Variants in SERPINA12 observed in about 807,000 individuals in gnomAD.
The protein encoded by SERPINA12 is serpin family A member 12.
Under a neutral mutation model 25.9 loss-of-function variants are expected in SERPINA12, and 21 were observed. The ratio of observed to expected loss-of-function variants is 0.81; its 90% confidence interval spans 0.58 to 1.17. The LOEUF is 1.17. SERPINA12 is among the 50% of genes most tolerant of loss of function. The pLI, the probability that SERPINA12 is intolerant of heterozygous loss-of-function variation, is 0.00. For missense variants in SERPINA12, 562 were observed against 508.3 expected (o/e 1.11, Z -1.02); for synonymous variants, 220 against 196.0 (o/e 1.12, Z -1.02).
intron 2 of SERPINA12, 38 bp from the exon 3 acceptor site, chr14:94,496,681 AG>A (rs1900440694): frequency 6.3e-7 from 1 of 1,589,500 alleles, no homozygotes. Context: ...TGTTATCCCA[AG>A]GGAAAAAAGG....
Position 94,496,562 on chromosome 14 carries a change from G to A in SERPINA12, c.716C>T (p.Pro239Leu). 1 of 1,614,002 alleles carries A rather than the reference G, an allele frequency of 6.2e-7. No individual in the cohort carries two copies. The highest frequency in any genetic ancestry group is 8.5e-7 in the Non-Finnish European group (1 of 1,179,928). ...FLEKNSSVKV[P>L]MMFRSGIYQV... is the part of the protein sequence containing the mutation. ...GTATATGCCACTACGGAACATCATG[G>A]GCACCTTGACTGAACTGTTTTTCTC... The change falls in exon 3 of 5, where the codon CCC becomes CTC. Residue 239 changes from proline to leucine, a missense_variant. Coordinates refer to ENST00000677451, the MANE Select transcript of SERPINA12 (RefSeq NM_001382267.1).
At chr14:94,517,236 G>A (rs910769605) in intron 1 of SERPINA12, among the ~76,000 whole-genome samples, 53 of 152,228 alleles carry the variant, frequency 3.5e-4, no homozygotes, top group Non-Finnish European at 2.4e-4. Flanking sequence ...GCAGCAGGGA[G>A]CACAGTGGAG....
At chr14:94,502,457 C>T (rs549859460) in intron 1 of SERPINA12, among the ~76,000 whole-genome samples, 1 of 152,156 alleles carries the variant, frequency 6.6e-6, no homozygotes, top group South Asian at 2.1e-4. Context: ...ACAGCAGACT[C>T]AACAATAATA....
At chr14:94,501,172 GC>G (rs757416953) in intron 1 of SERPINA12, 96 of 985,204 alleles carry the variant, frequency 9.7e-5, no homozygotes, top group Non-Finnish European at 1.1e-4. Context: ...GGTTTAGGGG[GC>G]TGCACTGTTT....
chr14:94,497,248 A>T (rs1900467818), intron 2 of SERPINA12, among the ~76,000 whole-genome samples: 1 of 152,182 alleles, frequency 6.6e-6, no homozygotes, highest in Admixed American at 6.5e-5. Context: ...ATAAAGTCTG[A>T]TAAGGAGAAT....
upstream of SERPINA12, among the ~76,000 whole-genome samples, chr14:94,513,676 C>T (rs1901162979): frequency 6.6e-6 from 1 of 152,176 alleles, no homozygotes; most frequent in Non-Finnish European, 1.5e-5. Flanking sequence ...GCAGGGGTCC[C>T]CAAGGGCTGG....
chr14:94,498,174 G>T lies in SERPINA12; in HGVS notation c.224C>A (p.Ser75Tyr), dbSNP rs752121967. 3 of 1,614,188 alleles carry T rather than the reference G, an allele frequency of 1.9e-6. No individual in the cohort carries two copies. The highest frequency in any genetic ancestry group is 2.5e-6 in the Non-Finnish European group (3 of 1,180,048). The change falls in exon 2 of 5, where the codon TCC (serine) becomes TAC (tyrosine). Residue 75 changes from serine to tyrosine, a missense_variant. Ser to Tyr is a moderately radical substitution (Grantham distance 144, BLOSUM62 -2). Transcript: ENST00000677451. The part of the protein sequence containing the change: ...FYNPGRNIFL[S>Y]PLSISTAFSM... ...GAAAGCTGTAGAGATGCTCAAGGGGGATAGGAAGATGTTCCTGCCAGGGTT... is the reference window on the plus strand; with the variant it reads ...GAAAGCTGTAGAGATGCTCAAGGGGTATAGGAAGATGTTCCTGCCAGGGTT...
At chr14:94,490,129 C>G (rs1900105958) in intron 3 of SERPINA12, among the ~76,000 whole-genome samples, 1 of 152,210 alleles carries the variant, frequency 6.6e-6, no homozygotes, top group Admixed American at 6.5e-5. Flanking sequence ...AGACCTGACA[C>G]TGGAGGGAAC....
At chr14:94,500,315 T>G (rs1900661174) in intron 1 of SERPINA12, among the ~76,000 whole-genome samples, 1 of 152,334 alleles carries the variant, frequency 6.6e-6, no homozygotes, top group East Asian at 1.9e-4. Context: ...CCTCCTCGCC[T>G]TCTTCTCCTC....
chr14:94,503,824 A>G (rs992821341), intron 1 of SERPINA12, among the ~76,000 whole-genome samples: 2 of 152,256 alleles, frequency 1.3e-5, no homozygotes, highest in Non-Finnish European at 2.9e-5. Context: ...GACTGTGGCC[A>G]GCATCATGCA....
chr14:94,491,683 C>T (rs1900185877), intron 3 of SERPINA12, among the ~76,000 whole-genome samples: 1 of 152,058 alleles, frequency 6.6e-6, no homozygotes, highest in South Asian at 2.1e-4. Context: ...GTCAGGGTGA[C>T]TCCAAGGTTT....
Position 94,501,043 on chromosome 14 carries a change from C to G in SERPINA12, c.-33-2613G>C. The G allele has an allele frequency of 4.1e-6, 4 of 985,426 alleles. No homozygotes were observed. In the South Asian group the frequency reaches 1.9e-4, roughly 46 times the overall value. 61.0% of individuals were successfully genotyped at this position (985,426 alleles called of 1,614,324 possible). A position where few individuals can be genotyped will look rare whatever the true frequency, so the allele number is the denominator to read the frequency against. On this transcript the variant is annotated intron_variant, in intron 1 of 4. Transcript: ENST00000677451. ...ACCACTTCTTGGTAAAACTTAATAA[C>G]AGCTGGTGATGAACAAGGGCTCTAT...
chr14:94,516,944 G>A (rs781060203), intron 1 of SERPINA12, among the ~76,000 whole-genome samples: 6 of 116,368 alleles, frequency 5.2e-5, no homozygotes, highest in Non-Finnish European at 8.6e-5. Flanking sequence ...ATGTGTCACC[G>A]CAGCTATTGC....
At chr14:94,510,952 G>C (rs1901093481), upstream of SERPINA12, among the ~76,000 whole-genome samples, 1 of 152,102 alleles carries the variant, frequency 6.6e-6, no homozygotes, top group African/African-American at 2.4e-5. Flanking sequence ...AAGGTTGGGA[G>C]GGGGTGGTGA....
At chr14:94,502,262 T>C (rs1245023588) in intron 1 of SERPINA12, among the ~76,000 whole-genome samples, 1 of 152,038 alleles carries the variant, frequency 6.6e-6, no homozygotes, top group African/African-American at 2.4e-5. Flanking sequence ...TATGACTAGA[T>C]AAAATAGTGC....
chr14:94,506,542 G>C (rs1171385249), intron 1 of SERPINA12, among the ~76,000 whole-genome samples: 1 of 152,186 alleles, frequency 6.6e-6, no homozygotes, highest in Non-Finnish European at 1.5e-5. Context: ...AGCAAGAGAA[G>C]TATATCAAGG....
At position 94,517,595 on chromosome 14, in the gene SERPINA12, C is replaced by T. The variant is rs1017337668; in HGVS notation, c.-547G>A. ...TTGGGCTGATATTTTTAAAAAACCT[C>T]TCCCCACATCCCCAGTACTGGAAGC... On this transcript the variant is annotated 5_prime_UTR_variant, in exon 1 of 6. Coordinates refer to the SERPINA12 transcript ENST00000341228. 16 of 152,222 alleles carry T rather than the reference C, an allele frequency of 1.1e-4. 1 individual carries two copies. The highest frequency in any genetic ancestry group is 2.4e-4 in the Non-Finnish European group (16 of 68,048). 9.4% of individuals were successfully genotyped at this position (152,222 alleles called of 1,614,324 possible).
Position 94,498,095 on chromosome 14 carries a change from C to A in SERPINA12, c.303G>T (p.Gly101=), listed in dbSNP as rs781334786. 1 of 1,614,096 alleles carries A rather than the reference C, an allele frequency of 6.2e-7. No individual in the cohort carries two copies. Among genetic ancestry groups the A allele is most frequent in the South Asian group, 1.1e-5 (1 of 91,066 alleles). The change falls in exon 2 of 5, where the codon GGG becomes GGT. Residue 101 remains glycine (G), a synonymous_variant. Coordinates refer to ENST00000677451, the MANE Select transcript of SERPINA12 (RefSeq NM_001382267.1). ...QDSTLDEIKQ[G]FNFRKMPEKD... ...TTTCTGGCATCTTTCTGAAGTTGAA[C>A]CCCTGCTTGATCTCGTCCAGGGTGC...
intron 3 of SERPINA12, among the ~76,000 whole-genome samples, chr14:94,490,787 C>T (rs1262505029): frequency 6.6e-6 from 1 of 152,184 alleles, no homozygotes; most frequent in Non-Finnish European, 1.5e-5. Flanking sequence ...ACCAGCCCCA[C>T]GTCCCAGAGC....
Sources: gnomAD v4.1 joint callset for allele counts (sites outside exome capture counted in the v4.1 genomes callset) on GRCh38, gnomAD v4.1.1 for gene constraint, MANE v1.5 for transcripts, NCBI Gene and HGNC (gene_info 2026-07-23, HGNC 2026-07-21) for gene names.